The following PARD3B variants were observed in gnomAD, a reference collection of about 807,000 sequenced individuals.
PARD3B encodes the protein partitioning defective 3 homolog B.
PARD3B carries 103 observed loss-of-function variants against 130.2 expected under a neutral mutation model. The observed-to-expected ratio is 0.79, with a 90% confidence interval of 0.67 to 0.93. The LOEUF (loss-of-function observed/expected upper bound fraction) is 0.93. Among genes scored for constraint, PARD3B ranks in the 40% least tolerant of loss-of-function variants. The pLI, the probability that PARD3B is intolerant of heterozygous loss-of-function variation, is 0.00. For missense variants in PARD3B, 1,609 were observed against 1,499.2 expected, an observed-to-expected ratio of 1.07 and a Z score of -1.21; for synonymous variants, 583 against 553.2, an observed-to-expected ratio of 1.05 and a Z score of -0.76.
chr2:205,136,576 A>G (rs890282912), intron 10 of PARD3B, among the ~76,000 whole-genome samples: 1 of 152,202 alleles, frequency 6.6e-6, no homozygotes, highest in Non-Finnish European at 1.5e-5. Flanking sequence ...ACATGACTTG[A>G]AAGAGCTGGC....
At chr2:205,561,317 C>T (rs1039706968) in intron 22 of PARD3B, among the ~76,000 whole-genome samples, 1 of 152,160 alleles carries the variant, frequency 6.6e-6, no homozygotes, top group Non-Finnish European at 1.5e-5. Context: ...TCCAGCAATG[C>T]CACAGTACTG....
intron 2 of PARD3B, among the ~76,000 whole-genome samples, chr2:204,937,418 C>G (rs1688551035): frequency 1.3e-5 from 2 of 152,134 alleles, no homozygotes; most frequent in Non-Finnish European, 2.9e-5. Flanking sequence ...TTTCCCTTCT[C>G]TTGTTTGTTA....
chr2:205,439,423 C>T (rs1462554014), intron 19 of PARD3B, among the ~76,000 whole-genome samples: 2 of 152,168 alleles, frequency 1.3e-5, no homozygotes, highest in African/African-American at 4.8e-5. Context: ...CTGAAGACCT[C>T]CTCACACCAT....
In PARD3B at chr2:204,583,673, C is replaced by A. The variant is rs73057281; in HGVS notation, c.120+37554C>A. Reference sequence around the variant, plus strand: ...ACAGAGTGTATACCTGTGACATTTACTAATGTGTGAGGTGTCTGAGGACCA... The same window carrying A: ...ACAGAGTGTATACCTGTGACATTTAATAATGTGTGAGGTGTCTGAGGACCA... On this transcript the variant is annotated intron_variant, in intron 1 of 22. Coordinates refer to ENST00000406610, the MANE Select transcript of PARD3B (RefSeq NM_001302769.2). Among the ~76,000 whole-genome samples, 427 of 140,636 alleles carry A rather than the reference C, an allele frequency of 3.0e-3. 3 individuals carry two copies. Among genetic ancestry groups the A allele is most frequent in the African/African-American group, 0.01 (409 of 39,116 alleles). The allele number at this position is 140,636 out of a possible 152,430, so 92.3% of individuals were successfully genotyped here.
At chr2:204,734,261 G>A (rs540781797) in intron 2 of PARD3B, among the ~76,000 whole-genome samples, 1 of 152,240 alleles carries the variant, frequency 6.6e-6, no homozygotes, top group East Asian at 1.9e-4. Context: ...ACTGAAAATA[G>A]CAAGTATTGG....
chr2:205,019,280 T>C (rs1251733106), intron 3 of PARD3B, among the ~76,000 whole-genome samples: 2 of 152,198 alleles, frequency 1.3e-5, no homozygotes, highest in Non-Finnish European at 2.9e-5. Context: ...CTAGCATGTT[T>C]TCAAGGTTCA....
At chr2:204,822,753 T>A (rs6435253) in intron 2 of PARD3B, among the ~76,000 whole-genome samples, 24,886 of 152,130 alleles carry the variant, frequency 0.16, 3,207 homozygotes, top group African/African-American at 0.36. Flanking sequence ...TTTTCCTACT[T>A]ACTTCTTTGA....
chr2:205,266,662 A>T (rs1159970922), intron 16 of PARD3B, among the ~76,000 whole-genome samples: 1 of 151,988 alleles, frequency 6.6e-6, no homozygotes, highest in Non-Finnish European at 1.5e-5. Flanking sequence ...CCCTTGCTTC[A>T]CTCTGAATAA....
chr2:204,777,664 G>A (rs930731413), intron 2 of PARD3B, among the ~76,000 whole-genome samples: 1 of 152,092 alleles, frequency 6.6e-6, no homozygotes, highest in Non-Finnish European at 1.5e-5. Context: ...AGCTACTTGG[G>A]CAGCTGAAGT....
intron 3 of PARD3B, among the ~76,000 whole-genome samples, chr2:204,975,933 CTTAAA>C (rs1253395929): frequency 6.6e-6 from 1 of 152,128 alleles, no homozygotes; most frequent in African/African-American, 2.4e-5. Flanking sequence ...CCTTTAAAAA[CTTAAA>C]TTTATTTAAA....
chr2:204,867,072 G>A (rs566478148), intron 2 of PARD3B, among the ~76,000 whole-genome samples: 6 of 151,582 alleles, frequency 4.0e-5, no homozygotes, highest in Admixed American at 2.6e-4. Flanking sequence ...AGACTCTGTC[G>A]CAAAAAATAA....
intron 10 of PARD3B, among the ~76,000 whole-genome samples, chr2:205,152,649 A>G (rs1575974919): frequency 6.6e-6 from 1 of 152,074 alleles, no homozygotes; most frequent in South Asian, 2.1e-4. Context: ...CTAGTTAGCC[A>G]TTCGTCTAAT....
intron 3 of PARD3B, among the ~76,000 whole-genome samples, chr2:205,019,889 A>G (rs1183040343): frequency 6.6e-6 from 1 of 152,188 alleles, no homozygotes; most frequent in Non-Finnish European, 1.5e-5. Context: ...GGAAATCTCC[A>G]GAGAGCTCAT....
intron 1 of PARD3B, among the ~76,000 whole-genome samples, chr2:204,631,164 A>C (rs116938095): frequency 6.6e-6 from 1 of 151,698 alleles, no homozygotes; most frequent in African/African-American, 2.4e-5. Context: ...TTTTCTCATT[A>C]GTTTCAAAAA....
At chr2:204,766,995 TA>T (rs1469129344) in intron 2 of PARD3B, among the ~76,000 whole-genome samples, 22 of 137,442 alleles carry the variant, frequency 1.6e-4, no homozygotes, top group African/African-American at 6.3e-4. Flanking sequence ...TTTTTTATTT[TA>T]TTTTTTTATT....
At chr2:205,597,635 A>T (rs1306072861) in intron 22 of PARD3B, among the ~76,000 whole-genome samples, 1 of 152,198 alleles carries the variant, frequency 6.6e-6, no homozygotes, top group Non-Finnish European at 1.5e-5. Flanking sequence ...TTACATTCCC[A>T]CCAGCAGTGT....
chr2:205,255,320 G>T (rs2040033830), intron 16 of PARD3B, among the ~76,000 whole-genome samples: 2 of 152,038 alleles, frequency 1.3e-5, no homozygotes, highest in Admixed American at 1.3e-4. Context: ...GAGAAAAACA[G>T]TTTTTTTCTA....
At chr2:204,842,305 G>A (rs2044286157) in intron 2 of PARD3B, among the ~76,000 whole-genome samples, 1 of 152,100 alleles carries the variant, frequency 6.6e-6, no homozygotes, top group African/African-American at 2.4e-5. Flanking sequence ...ACACCAGCAT[G>A]GGTGCTTGAG....
intron 10 of PARD3B, among the ~76,000 whole-genome samples, chr2:205,127,045 A>G (rs1347380735): frequency 1.3e-5 from 2 of 151,652 alleles, no homozygotes; most frequent in South Asian, 4.2e-4. Flanking sequence ...CATGCCTGTA[A>G]TCCCAGCACT....
Sources: gnomAD v4.1 joint callset for allele counts (sites outside exome capture counted in the v4.1 genomes callset) on GRCh38, gnomAD v4.1.1 for gene constraint, MANE v1.5 for transcripts, NCBI Gene and HGNC (gene_info 2026-07-23, HGNC 2026-07-21) for gene names.